The following SH3BGR variants were observed in gnomAD, a reference collection of about 807,000 sequenced individuals.
SH3BGR encodes the protein SH3 domain binding glutamate rich protein.
In SH3BGR, 29 loss-of-function variants were observed where a neutral mutation model predicts 24.5. The ratio of observed to expected loss-of-function variants is 1.18; its 90% confidence interval spans 0.88 to 1.61. The LOEUF is 1.61. Among genes scored for constraint, SH3BGR ranks in the 40% most tolerant of loss-of-function variants. SH3BGR has a pLI of 0.00. For missense variants in SH3BGR, 162 were observed against 205.8 expected (o/e 0.79, Z 1.30); for synonymous variants, 55 against 65.7 (o/e 0.84, Z 0.79).
At chr21:39,500,085 A>G (rs138644772) in intron 4 of SH3BGR, among the ~76,000 whole-genome samples, 170 bp downstream of exon 4, 644 of 152,264 alleles carry the variant, frequency 4.2e-3, no homozygotes, top group Middle Eastern at 0.017. Context: ...AAGCACTGGA[A>G]TCCTGGTGCA....
chr21:39,481,603 T>A (rs1266933878), intron 3 of SH3BGR, among the ~76,000 whole-genome samples: 3 of 152,206 alleles, frequency 2.0e-5, no homozygotes, highest in Non-Finnish European at 4.4e-5. Context: ...TACGCTTAAG[T>A]CTATTAAAAT....
At chr21:39,484,985 C>T (rs1486072316) in intron 3 of SH3BGR, among the ~76,000 whole-genome samples, 1 of 152,214 alleles carries the variant, frequency 6.6e-6, no homozygotes, top group Non-Finnish European at 1.5e-5. Context: ...GTAGAAAATG[C>T]ATGCTCATAA....
intron 4 of SH3BGR, among the ~76,000 whole-genome samples, chr21:39,506,681 C>T (rs1260917284): frequency 6.6e-6 from 1 of 152,136 alleles, no homozygotes; most frequent in African/African-American, 2.4e-5. Context: ...GGAACCCGCC[C>T]CCCTGATTCA....
intron 3 of SH3BGR, among the ~76,000 whole-genome samples, chr21:39,486,500 A>T (rs1039998321): frequency 6.6e-6 from 1 of 152,182 alleles, no homozygotes; most frequent in Non-Finnish European, 1.5e-5. Context: ...AAGAAACAAG[A>T]TGTAGTAGGT....
Position 39,484,433 on chromosome 21 carries a change from A to T in SH3BGR, c.312+9218A>T, listed in dbSNP as rs537726783. On this transcript the variant is annotated intron_variant, in intron 3 of 6. Coordinates refer to ENST00000333634, the MANE Select transcript of SH3BGR (RefSeq NM_007341.3). The stretch of plus-strand genomic sequence containing the variant: ...TTTGTTTATTGTAACTTGCTATTTT[A>T]AAAAAAATTATATTTTGAGATCTAT... 4.1e-3 allele frequency among the ~76,000 whole-genome samples: 631 copies of T among 152,234 alleles called. 4 individuals are homozygous for T. Among genetic ancestry groups the T allele is most frequent in the Non-Finnish European group, 6.9e-3 (467 of 68,006 alleles).
intron 3 of SH3BGR, among the ~76,000 whole-genome samples, chr21:39,477,030 A>G (rs1198225974): frequency 6.6e-6 from 1 of 152,008 alleles, no homozygotes; most frequent in Non-Finnish European, 1.5e-5. Context: ...TCCCTTTGCA[A>G]TATCTTTTTA....
chr21:39,467,604 C>G (rs1186153305), intron 2 of SH3BGR, among the ~76,000 whole-genome samples: 3 of 152,074 alleles, frequency 2.0e-5, no homozygotes, highest in Non-Finnish European at 2.9e-5. Flanking sequence ...GAAGGATATG[C>G]AGGCTCAAAA....
upstream of SH3BGR, chr21:39,447,138 A>T (rs977480669): frequency 6.6e-6 from 1 of 152,116 alleles, no homozygotes; most frequent in Admixed American, 6.6e-5. Flanking sequence ...GCGGGGCAAC[A>T]TCTCCAGGTA....
chr21:39,452,809 T>C (rs1345155749), intron 1 of SH3BGR, among the ~76,000 whole-genome samples: 3 of 152,160 alleles, frequency 2.0e-5, no homozygotes, highest in Non-Finnish European at 2.9e-5. Flanking sequence ...TGGCCTTCAT[T>C]CTGTGCAAGC....
Position 39,515,197 on chromosome 21 carries a change from C to G in SH3BGR, c.*144C>G, listed in dbSNP as rs1467500400. The G allele has an allele frequency of 3.0e-5, 14 of 463,236 alleles. No individual in the cohort carries two copies. Among genetic ancestry groups the G allele is most frequent in the Admixed American group, 7.3e-5 (3 of 41,226 alleles). The allele number at this position is 463,236 out of a possible 1,614,324, so 28.7% of individuals were successfully genotyped here. A position where few individuals can be genotyped will look rare whatever the true frequency, so the allele number is the denominator to read the frequency against. Reference sequence around the variant, plus strand: ...CAGGGTTACTGAGGACTTATGCTGCCTGACCTGGTTAGATGTACATGGAGG... The same window carrying G: ...CAGGGTTACTGAGGACTTATGCTGCGTGACCTGGTTAGATGTACATGGAGG... On this transcript the variant is annotated 3_prime_UTR_variant, in exon 7 of 7. Coordinates refer to ENST00000333634, the MANE Select transcript of SH3BGR (RefSeq NM_007341.3).
rs141734466 is a variant in SH3BGR, at chr21:39,461,082, A to G, written c.46-1293A>G. ...GCAAAAAAGATACGAGAGCATCTCT[A>G]TTCCAATTAGGTCATGTGAAAAGAC... On this transcript the variant is annotated intron_variant, in intron 1 of 6. Transcript: ENST00000333634. Among the ~76,000 whole-genome samples, 86 of 151,634 alleles carry G rather than the reference A, an allele frequency of 5.7e-4. No homozygotes were observed. The East Asian group carries it at 0.016, about 27-fold the overall frequency.
At chr21:39,470,946 G>A (rs1158791329) in intron 2 of SH3BGR, among the ~76,000 whole-genome samples, 1 of 151,756 alleles carries the variant, frequency 6.6e-6, no homozygotes, top group East Asian at 1.9e-4. Flanking sequence ...CTGGAATTCT[G>A]GGCTGATGTT....
chr21:39,454,664 C>T (rs1235771513), intron 1 of SH3BGR, among the ~76,000 whole-genome samples: 2 of 152,188 alleles, frequency 1.3e-5, no homozygotes, highest in Non-Finnish European at 2.9e-5. Context: ...GGCTCTTGGG[C>T]TTCACAGTCC....
intron 1 of SH3BGR, among the ~76,000 whole-genome samples, chr21:39,460,112 T>C (rs1408022253): frequency 1.3e-5 from 2 of 152,092 alleles, no homozygotes; most frequent in Non-Finnish European, 2.9e-5. Context: ...GTTACACAGG[T>C]AGAGAAAGGA....
intron 3 of SH3BGR, among the ~76,000 whole-genome samples, chr21:39,497,584 T>C (rs2078420132): frequency 6.6e-6 from 1 of 152,010 alleles, no homozygotes; most frequent in African/African-American, 2.4e-5. Flanking sequence ...TAAAAATTTA[T>C]AGTAAAGCAC....
chr21:39,515,193 C>T lies in SH3BGR; in HGVS notation c.*140C>T. 2.2e-6 allele frequency: 1 copy of T among 463,676 alleles called. No individual in the cohort carries two copies. Among genetic ancestry groups the T allele is most frequent in the South Asian group, 1.6e-5 (1 of 62,032 alleles). 28.7% of individuals were successfully genotyped at this position (463,676 alleles called of 1,614,324 possible). A position where few individuals can be genotyped will look rare whatever the true frequency, so the allele number is the denominator to read the frequency against. On this transcript the variant is annotated 3_prime_UTR_variant, in exon 7 of 7. Transcript: ENST00000333634. ...CACCCAGGGTTACTGAGGACTTATG[C>T]TGCCTGACCTGGTTAGATGTACATG...
Position 39,509,047 on chromosome 21 carries a change from A to G in SH3BGR, c.435+20A>G, listed in dbSNP as rs970813532. ...GAAGAGGTACGGTCGACCATCTTTA[A>G]CAGCTGTGCTTAATCTGCTTAATAA... is the stretch of plus-strand genomic sequence containing the variant. On this transcript the variant is annotated intron_variant, in intron 5 of 6. Transcript: ENST00000333634. 2 of 1,601,116 alleles carry G rather than the reference A, an allele frequency of 1.2e-6. No homozygotes were observed. Among genetic ancestry groups the G allele is most frequent in the African/African-American group, 1.3e-5 (1 of 74,636 alleles).
At chr21:39,490,623 A>G (rs988018676) in intron 3 of SH3BGR, among the ~76,000 whole-genome samples, 10 of 151,844 alleles carry the variant, frequency 6.6e-5, no homozygotes, top group African/African-American at 2.4e-4. Flanking sequence ...GCTACTCTAG[A>G]TTTCTTATGC....
At chr21:39,466,634 A>G (rs183629484) in intron 2 of SH3BGR, among the ~76,000 whole-genome samples, 12 of 152,342 alleles carry the variant, frequency 7.9e-5, no homozygotes, top group African/African-American at 2.9e-4. Flanking sequence ...ACATGACCAC[A>G]GCAGAGAGAA....
Sources: gnomAD v4.1 joint callset for allele counts (sites outside exome capture counted in the v4.1 genomes callset) on GRCh38, gnomAD v4.1.1 for gene constraint, MANE v1.5 for transcripts, NCBI Gene and HGNC (gene_info 2026-07-23, HGNC 2026-07-21) for gene names.